ATP2B2: variants seen among roughly 807,000 people sequenced by gnomAD.
The protein encoded by ATP2B2 is ATPase plasma membrane Ca2+ transporting 2.
ATP2B2 carries 15 observed loss-of-function variants against 120.0 expected under a neutral mutation model. The ratio of observed to expected loss-of-function variants is 0.12; its 90% CI spans 0.08 to 0.19. The LOEUF is 0.19. Among genes scored for constraint, ATP2B2 ranks in the 10% least tolerant of loss-of-function variants. ATP2B2 has a pLI of 1.00. For missense variants in ATP2B2, 1,045 were observed against 1,719.8 expected, an observed-to-expected ratio of 0.61 and a Z score of 6.94; for synonymous variants, 694 against 700.3, an observed-to-expected ratio of 0.99 and a Z score of 0.14.
chr3:10,345,611 C>A (rs767601052), intron 17 of ATP2B2, 36 bp from the exon 18 acceptor site: 1 of 1,605,228 alleles, frequency 6.2e-7, no homozygotes. Flanking sequence ...GGTGGGGTGG[C>A]CGGGGGAGGT....
intron 2 of ATP2B2, among the ~76,000 whole-genome samples, chr3:10,436,192 C>T (rs1033988498): frequency 6.6e-6 from 1 of 152,090 alleles, no homozygotes; most frequent in African/African-American, 2.4e-5. Context: ...TTAATTATAG[C>T]CATCATTAGA....
intron 1 of ATP2B2, among the ~76,000 whole-genome samples, chr3:10,476,689 A>G (rs912096727): frequency 1.3e-5 from 2 of 152,256 alleles, no homozygotes; most frequent in Admixed American, 1.3e-4. Context: ...AGCAAACGCA[A>G]AGCTAATTAT....
chr3:10,596,332 T>C (rs2068763223), intron 2 of ATP2B2, among the ~76,000 whole-genome samples: 1 of 152,236 alleles, frequency 6.6e-6, no homozygotes, highest in South Asian at 2.1e-4. Context: ...GGGCAGGGAC[T>C]CTGTGGGTAT....
At chr3:10,377,570 C>T (rs544534646) in intron 10 of ATP2B2, among the ~76,000 whole-genome samples, 61 of 152,296 alleles carry the variant, frequency 4.0e-4, no homozygotes, top group African/African-American at 1.2e-3. Flanking sequence ...GCTGGGCCAG[C>T]GGGGCTGTCA....
chr3:10,422,055 C>T (rs1379254911), intron 2 of ATP2B2, among the ~76,000 whole-genome samples: 1 of 152,156 alleles, frequency 6.6e-6, no homozygotes, highest in African/African-American at 2.4e-5. Flanking sequence ...CAACTGAGAC[C>T]CACCCTTTGC....
chr3:10,695,018 G>C (rs1214325179), intron 1 of ATP2B2, among the ~76,000 whole-genome samples: 1 of 152,012 alleles, frequency 6.6e-6, no homozygotes, highest in African/African-American at 2.4e-5. Flanking sequence ...TTTGAATTTT[G>C]GGTGACCCTG....
At chr3:10,522,945 A>G (rs916806440) in intron 3 of ATP2B2, among the ~76,000 whole-genome samples, 9 of 152,284 alleles carry the variant, frequency 5.9e-5, no homozygotes, top group African/African-American at 2.2e-4. Flanking sequence ...ACAGGAGAGG[A>G]CACAGGTGGA....
chr3:10,435,780 C>G (rs1032360580), intron 2 of ATP2B2, among the ~76,000 whole-genome samples: 1 of 152,122 alleles, frequency 6.6e-6, no homozygotes, highest in Non-Finnish European at 1.5e-5. Context: ...TCCTTCAGTT[C>G]ACTGTTCTCA....
chr3:10,703,981 C>T (rs1389291402), intron 1 of ATP2B2, among the ~76,000 whole-genome samples: 1 of 152,176 alleles, frequency 6.6e-6, no homozygotes, highest in Admixed American at 6.5e-5. Flanking sequence ...AGTAGCCAAC[C>T]CCGAGCCTGC....
At chr3:10,416,134 T>C (rs1241242120) in intron 2 of ATP2B2, among the ~76,000 whole-genome samples, 7 of 152,198 alleles carry the variant, frequency 4.6e-5, no homozygotes, top group Admixed American at 4.6e-4. Flanking sequence ...TCTCCCAGAT[T>C]TTTCAACTGT....
chr3:10,446,354 A>G (rs1339284468), intron 2 of ATP2B2, among the ~76,000 whole-genome samples: 1 of 152,132 alleles, frequency 6.6e-6, no homozygotes, highest in Non-Finnish European at 1.5e-5. Context: ...TTCACAGCCT[A>G]TTTTATTGAT....
chr3:10,703,539 C>T (rs1447519784), intron 1 of ATP2B2, among the ~76,000 whole-genome samples: 1 of 152,170 alleles, frequency 6.6e-6, no homozygotes, highest in African/African-American at 2.4e-5. Flanking sequence ...ATGGGGCCCA[C>T]TCCCACACCA....
intron 1 of ATP2B2, among the ~76,000 whole-genome samples, chr3:10,652,451 G>T (rs1222681897): frequency 6.6e-6 from 1 of 152,210 alleles, no homozygotes; most frequent in Non-Finnish European, 1.5e-5. Context: ...TCACTTAAGT[G>T]TCATTATAAC....
intron 1 of ATP2B2, among the ~76,000 whole-genome samples, chr3:10,451,785 A>G (rs1378993475): frequency 3.3e-5 from 5 of 152,206 alleles, no homozygotes; most frequent in African/African-American, 1.2e-4. Context: ...AACACACACC[A>G]TCCACAGAAT....
At chr3:10,631,572 GA>G (rs1181481830) in intron 1 of ATP2B2, among the ~76,000 whole-genome samples, 4 of 152,144 alleles carry the variant, frequency 2.6e-5, no homozygotes, top group Non-Finnish European at 5.9e-5. Context: ...CAGGCTTTGG[GA>G]AGGGAGATCT....
rs529903613 is a variant in ATP2B2, at chr3:10,412,849, G to A, written c.200-2034C>T. On this transcript the variant is annotated intron_variant, in intron 2 of 22. Transcript: ENST00000360273. ...GTACAGCAAAAATGGGCCCCGCAGC[G>A]GGGCAACGACAGTCCTGTCATTGAC... Among the ~76,000 whole-genome samples, 16 of 152,240 alleles carry A rather than the reference G, an allele frequency of 1.1e-4. No homozygotes were observed. The South Asian group carries it at 2.9e-3, about 28-fold the overall frequency.
chr3:10,626,468 T>C (rs560115112), intron 1 of ATP2B2: 4 of 152,224 alleles, frequency 2.6e-5, no homozygotes, highest in Admixed American at 2.0e-4. Context: ...AGTCACAGAA[T>C]TGATGCTTAG....
chr3:10,357,283 C>A (rs1051470725), intron 14 of ATP2B2, among the ~76,000 whole-genome samples: 1 of 152,090 alleles, frequency 6.6e-6, no homozygotes, highest in Non-Finnish European at 1.5e-5. Flanking sequence ...CTATTATTAT[C>A]CCCAGTATGC....
At chr3:10,439,849 G>A (rs1485671154) in intron 2 of ATP2B2, among the ~76,000 whole-genome samples, 2 of 111,122 alleles carry the variant, frequency 1.8e-5, no homozygotes, top group Admixed American at 1.8e-4. Flanking sequence ...TTTGCCTCCC[G>A]GGTTCAAGTG....
Sources: allele counts gnomAD v4.1 joint callset (sites outside exome capture counted in the v4.1 genomes callset), GRCh38; gene constraint gnomAD v4.1.1; transcripts MANE v1.5; gene names NCBI Gene and HGNC (gene_info 2026-07-23, HGNC 2026-07-21).